RPS6KA6: variants seen among roughly 807,000 people sequenced by gnomAD.
RPS6KA6 encodes the protein ribosomal protein S6 kinase alpha-6.
Under a neutral mutation model 65.4 loss-of-function variants are expected in RPS6KA6, and 27 were observed. That is an observed-to-expected ratio of 0.41 (90% CI 0.30 to 0.57). RPS6KA6 has a LOEUF of 0.57. Among genes scored for constraint, RPS6KA6 ranks in the 20% least tolerant of loss-of-function variants. RPS6KA6 has a pLI of 0.24. For missense variants in RPS6KA6, 486 were observed against 555.6 expected (o/e 0.87, Z 1.26); for synonymous variants, 190 against 184.2 (o/e 1.03, Z -0.26).
At chrX:84,155,510 G>A (rs959403632) in intron 3 of RPS6KA6, among the ~76,000 whole-genome samples, 66 of 111,670 alleles carry the variant, frequency 5.9e-4, no homozygotes, top group African/African-American at 2.0e-3. Context: ...CTTTAGTAAC[G>A]ACTATAATAG....
At chrX:84,147,835 A>T (rs1158875806) in intron 4 of RPS6KA6, among the ~76,000 whole-genome samples, 1 of 111,848 alleles carries the variant, frequency 8.9e-6, no homozygotes, top group Non-Finnish European at 1.9e-5. Flanking sequence ...TTTTTCTAGC[A>T]TCAAATTTTT....
At chrX:84,089,980 T>G (rs1361108772) in intron 20 of RPS6KA6, among the ~76,000 whole-genome samples, 2 of 112,255 alleles carry the variant, frequency 1.8e-5, no homozygotes, top group South Asian at 7.4e-4. Context: ...TCTAAATACT[T>G]TGAACATACA....
chrX:84,125,679 C>G (rs2034769041), intron 8 of RPS6KA6, among the ~76,000 whole-genome samples: 1 of 110,704 alleles, frequency 9.0e-6, no homozygotes, highest in South Asian at 3.9e-4. Context: ...ACGGTGAAAC[C>G]TGTCTCTACT....
chrX:84,084,773 C>A (rs1411143982), intron 20 of RPS6KA6, among the ~76,000 whole-genome samples: 1 of 111,656 alleles, frequency 9.0e-6, no homozygotes, highest in Non-Finnish European at 1.9e-5. Flanking sequence ...AGTGGGAATA[C>A]CCTTTAATCT....
rs529429371 is a variant in RPS6KA6, at chrX:84,139,997, C to A, written c.502-4787G>T. ...TCTTAGAGAAGGAGGACAAAATTCACAGGATGGAGTATTAGAGAAGAGAAA... is the reference window on the plus strand; with the variant it reads ...TCTTAGAGAAGGAGGACAAAATTCAAAGGATGGAGTATTAGAGAAGAGAAA... On this transcript the variant is annotated intron_variant, in intron 6 of 21. Coordinates refer to ENST00000262752, the MANE Select transcript of RPS6KA6 (RefSeq NM_014496.5). Among the ~76,000 whole-genome samples, 19 of 111,725 alleles carry A rather than the reference C, an allele frequency of 1.7e-4. No individual in the cohort carries two copies. In the South Asian group the frequency reaches 6.7e-3, roughly 40 times the overall value.
chrX:84,105,937 T>G, intron 15 of RPS6KA6, 61 bp from the exon 16 acceptor site: 1 of 627,946 alleles, frequency 1.6e-6, no homozygotes, highest in East Asian at 3.4e-5. Context: ...CTAAAATGAG[T>G]ATTTTCCATT....
intron 18 of RPS6KA6, among the ~76,000 whole-genome samples, chrX:84,099,763 A>G (rs1478461324): frequency 9.0e-6 from 1 of 111,151 alleles, no homozygotes; most frequent in Non-Finnish European, 1.9e-5. Flanking sequence ...ACTTTTTGCA[A>G]CATAGGTATA....
intron 3 of RPS6KA6, among the ~76,000 whole-genome samples, chrX:84,151,482 T>C (rs1476187319): frequency 9.0e-6 from 1 of 110,645 alleles, no homozygotes; most frequent in Non-Finnish European, 1.9e-5. Context: ...TGTTTTTCTA[T>C]GAACAGGCTC....
At chrX:84,142,236 A>G (rs1253412338) in intron 6 of RPS6KA6, among the ~76,000 whole-genome samples, 1 of 111,790 alleles carries the variant, frequency 8.9e-6, no homozygotes, top group African/African-American at 3.2e-5. Context: ...GAATGCCCAA[A>G]TATTTGTAAA....
chrX:84,135,202 A>G lies in RPS6KA6; in HGVS notation c.510T>C (p.Phe170=), dbSNP rs770657822. The change falls in exon 7 of 22, where the codon TTT becomes TTC. Residue 170 remains phenylalanine, a synonymous_variant. Transcript: ENST00000262752. ...VFTRLSKEVL[F]TEEDVKFYLA... is the part of the protein sequence containing the mutation. ...GGTAGAATTTCACATCTTCCTCTGT[A>G]AACAGAACCTAGAACAAAATAATGA... The G allele has an allele frequency of 4.3e-6, 5 of 1,163,060 alleles. No individual in the cohort carries two copies. In the Admixed American group the frequency reaches 1.1e-4, roughly 26 times the overall value.
chrX:84,183,174 T>C (rs188068101), intron 1 of RPS6KA6, among the ~76,000 whole-genome samples: 71 of 111,963 alleles, frequency 6.3e-4, no homozygotes, highest in Non-Finnish European at 1.2e-3. Flanking sequence ...CAGAGACTTA[T>C]ATTGGCAGGT....
chrX:84,114,138 T>C (rs2034521175), intron 12 of RPS6KA6, among the ~76,000 whole-genome samples: 2 of 111,203 alleles, frequency 1.8e-5, no homozygotes, highest in Admixed American at 1.9e-4. Flanking sequence ...CTAGATCAAA[T>C]GGACAAATGG....
intron 20 of RPS6KA6, among the ~76,000 whole-genome samples, chrX:84,074,965 TGGCTCAC>T (rs1258110519): frequency 8.9e-6 from 1 of 112,090 alleles, no homozygotes; most frequent in African/African-American, 3.2e-5. Context: ...CCGGGCATGG[TGGCTCAC>T]GCCTGTAATC....
intron 6 of RPS6KA6, among the ~76,000 whole-genome samples, chrX:84,142,549 T>A (rs1489785596): frequency 9.0e-6 from 1 of 111,284 alleles, no homozygotes; most frequent in Non-Finnish European, 1.9e-5. Flanking sequence ...GAAAAATCAA[T>A]GAAACCAAAA....
rs142549572 is a variant in RPS6KA6, at chrX:84,087,725, C to T, written c.1971+8469G>A. The stretch of plus-strand genomic sequence containing the variant: ...TCTTTCTTGCTAGGTTGGGGAAGTT[C>T]TCCTGGATAATATCCTGAAGTGTGT... On this transcript the variant is annotated intron_variant, in intron 20 of 21. Transcript: ENST00000262752. 9.6e-4 allele frequency among the ~76,000 whole-genome samples: 107 copies of T among 111,781 alleles called. 1 individual carries two copies. In the East Asian group the frequency reaches 0.018, roughly 19 times the overall value.
intron 1 of RPS6KA6, among the ~76,000 whole-genome samples, chrX:84,167,245 T>C (rs1249211730): frequency 1.8e-5 from 2 of 111,938 alleles, no homozygotes; most frequent in African/African-American, 6.5e-5. Flanking sequence ...AAGACACAAA[T>C]CTGTACATAC....
chrX:84,151,266 C>T (rs375835027), intron 3 of RPS6KA6, among the ~76,000 whole-genome samples: 2 of 102,782 alleles, frequency 1.9e-5, no homozygotes, highest in East Asian at 3.0e-4. Flanking sequence ...TATATACACA[C>T]ACACATATAC....
chrX:84,164,265 T>C (rs2035563185), intron 2 of RPS6KA6, 63 bp downstream of exon 2: 11 of 846,682 alleles, frequency 1.3e-5, no homozygotes, highest in Admixed American at 2.5e-5. Context: ...TTTTCTCCTT[T>C]CCCTGTATTC....
In RPS6KA6 at chrX:84,181,678, G is replaced by C. The variant is rs151229786; in HGVS notation, c.81+6141C>G. On this transcript the variant is annotated intron_variant, in intron 1 of 21. Coordinates refer to ENST00000262752, the MANE Select transcript of RPS6KA6 (RefSeq NM_014496.5). ...AGATGCCCAGGCCCCCTCTAGATTAGTTAAATGTGAATCTCTGAGTGGAAC... is the reference window on the plus strand; with the variant it reads ...AGATGCCCAGGCCCCCTCTAGATTACTTAAATGTGAATCTCTGAGTGGAAC... Among the ~76,000 whole-genome samples, 352 of 111,086 alleles carry C rather than the reference G, an allele frequency of 3.2e-3. 3 individuals are homozygous for C. Among genetic ancestry groups the C allele is most frequent in the African/African-American group, 0.011 (328 of 30,570 alleles).
Sources: allele counts gnomAD v4.1 joint callset (sites outside exome capture counted in the v4.1 genomes callset), GRCh38; gene constraint gnomAD v4.1.1; transcripts MANE v1.5; gene names NCBI Gene and HGNC (gene_info 2026-07-23, HGNC 2026-07-21).